WWC2: variants seen among roughly 807,000 people sequenced by gnomAD.
WWC2 encodes the protein protein WWC2.
In WWC2, 101 loss-of-function variants were observed where a neutral mutation model predicts 138.5. That is an observed-to-expected ratio of 0.73 (90% confidence interval 0.62 to 0.86). The LOEUF (loss-of-function observed/expected upper bound fraction) is 0.86. Ranked by LOEUF, WWC2 falls within the 40% of genes least tolerant of loss-of-function variation. WWC2 has a pLI of 0.00. For missense variants in WWC2, 1,420 were observed against 1,419.4 expected, an observed-to-expected ratio of 1.00 and a Z score of -0.01; for synonymous variants, 558 against 538.4, an observed-to-expected ratio of 1.04 and a Z score of -0.50.
chr4:183,202,414 A>T (rs538386909), intron 2 of WWC2, among the ~76,000 whole-genome samples: 1 of 152,318 alleles, frequency 6.6e-6, no homozygotes, highest in East Asian at 1.9e-4. Context: ...ATAAAATTTT[A>T]AAAAATGATC....
chr4:183,104,152 G>A (rs891999473), intron 1 of WWC2, among the ~76,000 whole-genome samples: 1 of 151,870 alleles, frequency 6.6e-6, no homozygotes. Flanking sequence ...TTTAGTAGAG[G>A]TGGCGTTTCA....
intron 1 of WWC2, among the ~76,000 whole-genome samples, chr4:183,192,478 A>G (rs921512290): frequency 2.0e-5 from 3 of 152,226 alleles, no homozygotes; most frequent in African/African-American, 4.8e-5. Flanking sequence ...TTGAAAGAAA[A>G]GTAGACCCTT....
chr4:183,270,023 T>C (rs962120166), intron 15 of WWC2: 1 of 152,250 alleles, frequency 6.6e-6, no homozygotes, highest in African/African-American at 2.4e-5. Flanking sequence ...AACACATGTT[T>C]CATGATGAAC....
chr4:183,244,365 C>T (rs1276340973), intron 5 of WWC2, among the ~76,000 whole-genome samples: 1 of 152,124 alleles, frequency 6.6e-6, no homozygotes. Flanking sequence ...GTGAAATCCT[C>T]TAGCCTAAGG....
In WWC2 at chr4:183,273,231, C is replaced by CTTTT. The variant is rs35297102; in HGVS notation, c.2562+1995_2562+1998dup. ...ACAGCCTTATTGGCCATTAGTATAT[C>CTTTT]TTTTTTTTGAGAAATGTCTTTTCAC... On this transcript the variant is annotated intron_variant, in intron 16 of 22. Coordinates refer to ENST00000403733, the MANE Select transcript of WWC2 (RefSeq NM_024949.6). Among the ~76,000 whole-genome samples, 746 of 150,710 alleles carry CTTTT rather than the reference C, an allele frequency of 4.9e-3. 4 individuals are homozygous for CTTTT. The highest frequency in any genetic ancestry group is 8.5e-3 in the African/African-American group (351 of 41,182).
At chr4:183,253,642 A>C in intron 8 of WWC2, 115 bp from the exon 9 acceptor site, 4 of 1,274,916 alleles carry the variant, frequency 3.1e-6, no homozygotes, top group Non-Finnish European at 4.3e-6. Context: ...CTTTCTGGTA[A>C]GGTCAAGTTA....
chr4:183,232,985 G>GT (rs557873123), intron 4 of WWC2, among the ~76,000 whole-genome samples: 8 of 151,834 alleles, frequency 5.3e-5, no homozygotes, highest in East Asian at 1.9e-4. Context: ...GCAGATAATT[G>GT]TTTTTTTGCC....
At chr4:183,281,034 A>G (rs1211065660) in intron 17 of WWC2, 137 bp downstream of exon 17, 1 of 1,301,308 alleles carries the variant, frequency 7.7e-7, no homozygotes, top group Non-Finnish European at 1.0e-6. Flanking sequence ...GTGCTAGGAA[A>G]AGTCTTTCCT....
intron 1 of WWC2, among the ~76,000 whole-genome samples, chr4:183,110,149 C>T (rs1297465224): frequency 2.0e-5 from 3 of 152,172 alleles, no homozygotes; most frequent in African/African-American, 7.2e-5. Context: ...ATAAAGTTAC[C>T]AGATACCAGG....
chr4:183,121,773 CTT>C (rs1732606404), intron 1 of WWC2, among the ~76,000 whole-genome samples: 1 of 147,028 alleles, frequency 6.8e-6, no homozygotes, highest in Non-Finnish European at 1.5e-5. Flanking sequence ...CATTTTTTCA[CTT>C]GTTAAGAAGC....
intron 1 of WWC2, among the ~76,000 whole-genome samples, chr4:183,159,518 C>T (rs961421458): frequency 6.6e-6 from 1 of 152,110 alleles, no homozygotes; most frequent in Admixed American, 6.6e-5. Context: ...GATACTCCCA[C>T]CTCAGCCTCT....
At chr4:183,307,388 C>T (rs949610105) in intron 21 of WWC2, among the ~76,000 whole-genome samples, 3 of 152,196 alleles carry the variant, frequency 2.0e-5, no homozygotes, top group African/African-American at 7.2e-5. Flanking sequence ...AAAACTTTAT[C>T]AACTCTCTGC....
At chr4:183,303,781 A>G (rs1233872517) in intron 21 of WWC2, among the ~76,000 whole-genome samples, 1 of 152,142 alleles carries the variant, frequency 6.6e-6, no homozygotes, top group Non-Finnish European at 1.5e-5. Flanking sequence ...TTCCCTGATA[A>G]TGGAGTAATA....
intron 4 of WWC2, among the ~76,000 whole-genome samples, chr4:183,213,445 A>C (rs1735665568): frequency 6.6e-6 from 1 of 152,236 alleles, no homozygotes; most frequent in Admixed American, 6.5e-5. Flanking sequence ...TCACAATAAC[A>C]ATTTTTAAAG....
At chr4:183,289,789 C>G (rs1020512447) in intron 21 of WWC2, among the ~76,000 whole-genome samples, 154 bp downstream of exon 21, 3 of 140,470 alleles carry the variant, frequency 2.1e-5, no homozygotes, top group South Asian at 2.3e-4. Context: ...GTTATAGGCC[C>G]TTTTTTTTTT....
intron 4 of WWC2, among the ~76,000 whole-genome samples, chr4:183,209,774 A>G (rs932889927): frequency 3.3e-5 from 5 of 152,210 alleles, no homozygotes; most frequent in African/African-American, 1.2e-4. Flanking sequence ...CTTTTTAACT[A>G]AACTGATGTT....
intron 1 of WWC2, among the ~76,000 whole-genome samples, chr4:183,160,920 A>G (rs138030058): frequency 1.1e-4 from 16 of 152,326 alleles, no homozygotes; most frequent in Non-Finnish European, 1.9e-4. Flanking sequence ...GCCACAGAAG[A>G]TGTAAGATCG....
chr4:183,215,892 A>G (rs1328764501), intron 4 of WWC2, among the ~76,000 whole-genome samples: 2 of 152,150 alleles, frequency 1.3e-5, no homozygotes, highest in Non-Finnish European at 2.9e-5. Context: ...TTCCTGTTAG[A>G]GAATATATAA....
At position 183,282,740 on chromosome 4, in the gene WWC2, T is replaced by C. The variant is rs765252314; in HGVS notation, c.2717T>C (p.Ile906Thr). Residue 906 changes from isoleucine (I) to threonine (T), a missense_variant, in exon 18 of 23, where the codon ATT (isoleucine) becomes ACT (threonine). Ile to Thr is a moderately conservative substitution (Grantham distance 89). Transcript: ENST00000403733. ...LTMLREASDE[I>T]VAEKEAEVKL... ...ATGCTAAGAGAGGCCTCTGATGAAA[T>C]TGTGGCTGAAAAAGAGGCTGAAGTT... The C allele has an allele frequency of 5.1e-6, 8 of 1,577,416 alleles. No individual in the cohort carries two copies. The South Asian group carries it at 9.3e-5, about 18-fold the overall frequency.
Sources: allele counts gnomAD v4.1 joint callset (sites outside exome capture counted in the v4.1 genomes callset), GRCh38; gene constraint gnomAD v4.1.1; transcripts MANE v1.5; gene names NCBI Gene and HGNC (gene_info 2026-07-23, HGNC 2026-07-21).